SLC38A10: variants seen among roughly 807,000 people sequenced by gnomAD.
SLC38A10 encodes Sodium-coupled neutral amino acid transporter 10.
A neutral mutation model predicts 81.0 loss-of-function variants in SLC38A10; 53 were observed. That is an observed-to-expected ratio of 0.65 (90% CI 0.53 to 0.82). The LOEUF is 0.82. Among genes scored for constraint, SLC38A10 ranks in the 40% least tolerant of loss-of-function variants. The pLI, the probability that SLC38A10 is intolerant of heterozygous loss-of-function variation, is 0.00. For synonymous variants in SLC38A10, 665 were observed against 655.3 expected (o/e 1.01, Z -0.23); for missense variants, 1,471 against 1,545.0 (o/e 0.95, Z 0.80).
rs531293452 is a variant in SLC38A10, at chr17:81,245,230, C to G, written c.*326G>C. ...CAGGAGCAGGAGGCCTGACCACAGA[C>G]GCAGCAGCTCCCCAGCCTGAGCCTG... On this transcript the variant is annotated 3_prime_UTR_variant, in exon 16 of 16. Transcript: ENST00000374759. The G allele has an allele frequency of 3.4e-6, 1 of 291,342 alleles. No homozygotes were observed. The highest frequency in any genetic ancestry group is 2.2e-5 in the African/African-American group (1 of 45,782). 18.0% of individuals were successfully genotyped at this position (291,342 alleles called of 1,614,324 possible).
In SLC38A10 at chr17:81,246,014, C is replaced by G; in HGVS notation, c.2902G>C (p.Glu968Gln). 6.2e-7 allele frequency: 1 copy of G among 1,609,216 alleles called. No individual in the cohort carries two copies. The highest frequency in any genetic ancestry group is 8.5e-7 in the Non-Finnish European group (1 of 1,178,286). ...QPELRVISDG[E>Q]QGGQQGHRLD... ...CGGTGGCCCTGCTGTCCACCCTGCT[C>G]GCCATCAGAGATGACCCGCAGTTCC... is the stretch of plus-strand genomic sequence containing the variant. The change falls in exon 16 of 16, where the codon GAG becomes CAG. Residue 968 changes from glutamate to glutamine, a missense_variant. By Grantham distance (29) the Glu-to-Gln change is conservative. Transcript: ENST00000374759.
Position 81,277,011 on chromosome 17 carries a change from G to T in SLC38A10, c.729+20C>A, listed in dbSNP as rs1183755673. 1 of 1,607,592 alleles carries T rather than the reference G, an allele frequency of 6.2e-7. No individual in the cohort carries two copies. The highest frequency in any genetic ancestry group is 2.2e-5 in the East Asian group (1 of 44,832). On this transcript the variant is annotated intron_variant, in intron 7 of 15. Coordinates refer to ENST00000374759, the MANE Select transcript of SLC38A10 (RefSeq NM_001037984.3). The surrounding 1 kb of genome is among the most constrained non-coding windows in gnomAD (Gnocchi z 4.5). ...TGCTGGCATGACACAGGGGCGGAGAGGGCGTGGCAAGGCTCTTACCATGAC... is the reference window on the plus strand; with the variant it reads ...TGCTGGCATGACACAGGGGCGGAGATGGCGTGGCAAGGCTCTTACCATGAC...
chr17:81,252,177 G>T lies in SLC38A10; in HGVS notation c.1945+18C>A. ...AAGAGGGGAGTGTCTTCCGACACGA[G>T]CCCAGGCTGACACCCACCGTGGTCG... On this transcript the variant is annotated intron_variant, in intron 13 of 15. Coordinates refer to ENST00000374759, the MANE Select transcript of SLC38A10 (RefSeq NM_001037984.3). 1 of 1,497,330 alleles carries T rather than the reference G, an allele frequency of 6.7e-7. No individual in the cohort carries two copies. 92.8% of individuals were successfully genotyped at this position (1,497,330 alleles called of 1,614,324 possible).
chr17:81,247,598 GGCAGATC>G (rs2062864504), intron 14 of SLC38A10: 1 of 152,058 alleles, frequency 6.6e-6, no homozygotes, highest in Non-Finnish European at 1.5e-5. Flanking sequence ...GGCGGAGGCA[GGCAGATC>G]GCTTGAGCCC....
In SLC38A10 at chr17:81,278,085, G is replaced by A. The variant is rs552954791; in HGVS notation, c.627-952C>T. Among the ~76,000 whole-genome samples the A allele has an allele frequency of 4.6e-5, 7 of 152,300 alleles. No individual in the cohort carries two copies. In the East Asian group the frequency reaches 1.2e-3, roughly 25 times the overall value. Reference sequence around the variant, plus strand: ...CAGCCAGTAAATGGACCAGCACAGCGGCCAGCGGAGCCAAATCCCAAACCG... The same window carrying A: ...CAGCCAGTAAATGGACCAGCACAGCAGCCAGCGGAGCCAAATCCCAAACCG... On this transcript the variant is annotated intron_variant, in intron 6 of 15. Coordinates refer to ENST00000374759, the MANE Select transcript of SLC38A10 (RefSeq NM_001037984.3).
At chr17:81,267,194 C>T (rs1462455922) in intron 10 of SLC38A10, among the ~76,000 whole-genome samples, 1 of 152,202 alleles carries the variant, frequency 6.6e-6, no homozygotes, top group Non-Finnish European at 1.5e-5. Context: ...CATTTCCCAT[C>T]AGTGATGGAT....
Position 81,289,740 on chromosome 17 carries a change from G to A in SLC38A10, c.168C>T (p.Phe56=), listed in dbSNP as rs1174092118. 1 of 1,611,784 alleles carries A rather than the reference G, an allele frequency of 6.2e-7. No individual in the cohort carries two copies. The highest frequency in any genetic ancestry group is 1.1e-5 in the South Asian group (1 of 90,800). Residue 56 remains phenylalanine (F), a synonymous_variant, in exon 2 of 16, where the codon TTC becomes TTT. Coordinates refer to ENST00000374759, the MANE Select transcript of SLC38A10 (RefSeq NM_001037984.3). The surrounding 1 kb of genome is among the most constrained non-coding windows in gnomAD (Gnocchi z 5.9). The part of the protein sequence containing the change: ...CSWMTHQSCM[F]LVKSASLSKR... Reference sequence around the variant, plus strand: ...TGCTCAGGCTGGCCGACTTCACCAAGAACATGCACGACTGGTGCGTCATCC... The same window carrying A: ...TGCTCAGGCTGGCCGACTTCACCAAAAACATGCACGACTGGTGCGTCATCC...
chr17:81,290,469 A>T (rs999602431), intron 1 of SLC38A10, among the ~76,000 whole-genome samples: 1 of 152,196 alleles, frequency 6.6e-6, no homozygotes, highest in African/African-American at 2.4e-5. Context: ...CACGGATGGG[A>T]CTCAAACGCA....
At chr17:81,275,934 C>T in intron 8 of SLC38A10, 35 bp downstream of exon 8, 2 of 1,597,446 alleles carry the variant, frequency 1.3e-6, no homozygotes, top group Non-Finnish European at 1.7e-6. Flanking sequence ...CTGACCTGTG[C>T]TATTACGATC....
At chr17:81,279,990 T>C in intron 6 of SLC38A10, 1 of 346,416 alleles carries the variant, frequency 2.9e-6, no homozygotes, top group South Asian at 2.2e-5. Flanking sequence ...GGGGCCGCTC[T>C]GCCAGCCCCC....
intron 11 of SLC38A10, among the ~76,000 whole-genome samples, chr17:81,254,636 G>A (rs2062955992): frequency 6.6e-6 from 1 of 152,216 alleles, no homozygotes. Flanking sequence ...AGTAGAGACA[G>A]GGTTTCACCA....
At chr17:81,249,001 C>T (rs868738369) in intron 14 of SLC38A10, among the ~76,000 whole-genome samples, 27 of 152,184 alleles carry the variant, frequency 1.8e-4, no homozygotes, top group African/African-American at 2.2e-4. Context: ...CCGTGGGCCA[C>T]GTGCTCGCCC....
In SLC38A10 at chr17:81,286,633, G is replaced by C. The variant is rs1482740942; in HGVS notation, c.218-1738C>G. 1.3e-5 allele frequency among the ~76,000 whole-genome samples: 2 copies of C among 152,184 alleles called. No homozygotes were observed. The highest frequency in any genetic ancestry group is 4.1e-4 in the South Asian group (2 of 4,826). ...TCCCCCGAGTGTGGACTCCCAGTGCGGGCCCAGCCCCTGCCAGGCTGGAGG... is the reference window on the plus strand; with the variant it reads ...TCCCCCGAGTGTGGACTCCCAGTGCCGGCCCAGCCCCTGCCAGGCTGGAGG... On this transcript the variant is annotated intron_variant, in intron 2 of 15. Coordinates refer to ENST00000374759, the MANE Select transcript of SLC38A10 (RefSeq NM_001037984.3). The surrounding 1 kb of genome is among the most constrained non-coding windows in gnomAD (Gnocchi z 6.0).
At chr17:81,293,567 G>A (rs1482708591) in intron 1 of SLC38A10, among the ~76,000 whole-genome samples, 1 of 151,868 alleles carries the variant, frequency 6.6e-6, no homozygotes, top group Admixed American at 6.6e-5. Flanking sequence ...AAACTCCTGG[G>A]CTCAAGTGAT....
rs2062939520 is a variant in SLC38A10 at position 81,253,498 on chromosome 17, C to A, written c.1289-258G>T. ...GACTCCATGTAATACTCAGTCATTA[C>A]CACCAGATGGCGGCACGAGCCCACC... is the stretch of plus-strand genomic sequence containing the variant. On this transcript the variant is annotated intron_variant, in intron 11 of 15. Transcript: ENST00000374759. The surrounding 1 kb of genome is among the most constrained non-coding windows in gnomAD (Gnocchi z 4.1). Among the ~76,000 whole-genome samples the A allele has an allele frequency of 6.6e-6, 1 of 152,116 alleles. No individual in the cohort carries two copies. The highest frequency in any genetic ancestry group is 1.5e-5 in the Non-Finnish European group (1 of 68,028).
rs200657122 is a variant in SLC38A10, at chr17:81,272,590, G to A, written c.950C>T (p.Pro317Leu). 6 of 1,576,062 alleles carry A rather than the reference G, an allele frequency of 3.8e-6. No individual in the cohort carries two copies. The highest frequency in any genetic ancestry group is 4.3e-6 in the Non-Finnish European group (5 of 1,164,142). ...DGTFAAGGYM[P>L]PLRFKALTLS... ...GGTAAGTGCTTTAAACCGGAGAGGG[G>A]GCATGTAGCCCCCTGCTGCAAAGGT... The change falls in exon 9 of 16, where the codon CCC becomes CTC. Residue 317 changes from proline (P) to leucine (L), a missense_variant. Physicochemically the swap from Pro to Leu is moderately conservative, Grantham distance 98. This residue lies in a region of SLC38A10 where 720 missense variants were observed against 827.7 expected (regional missense o/e 0.87). Transcript: ENST00000374759.
At chr17:81,271,483 A>C (rs2063115386) in intron 9 of SLC38A10, among the ~76,000 whole-genome samples, 1 of 152,142 alleles carries the variant, frequency 6.6e-6, no homozygotes, top group Non-Finnish European at 1.5e-5. Flanking sequence ...AGTGCGTGCG[A>C]GTTCCCCTGT....
rs2062855199 is a variant in SLC38A10 at position 81,246,677 on chromosome 17, C to T, written c.2243-4G>A. ...CCGGGCTCTTGATGCACCTCCACTG[C>T]AAATGAAGTCGGTCATCAATTTAGC... On this transcript the variant is annotated splice_polypyrimidine_tract_variant and splice_region_variant and intron_variant, in intron 15 of 15. Transcript: ENST00000374759. 6.7e-7 allele frequency: 1 copy of T among 1,503,130 alleles called. No individual in the cohort carries two copies. Among genetic ancestry groups the T allele is most frequent in the African/African-American group, 1.4e-5 (1 of 71,344 alleles). 93.1% of individuals were successfully genotyped at this position (1,503,130 alleles called of 1,614,324 possible).
intron 11 of SLC38A10, among the ~76,000 whole-genome samples, chr17:81,254,725 C>T (rs1443495667): frequency 1.3e-5 from 2 of 152,218 alleles, no homozygotes; most frequent in Non-Finnish European, 2.9e-5. Flanking sequence ...GGATTACATG[C>T]GTGAGCCACC....
Sources: gnomAD v4.1 joint callset for allele counts (sites outside exome capture counted in the v4.1 genomes callset) on GRCh38, gnomAD v4.1.1 for gene constraint, gnomAD v4.1.1 regional missense constraint, Gnocchi (gnomAD v3.1) non-coding constraint, MANE v1.5 for transcripts, NCBI Gene and HGNC (gene_info 2026-07-23, HGNC 2026-07-21) for gene names.